SH3BGRL2: variants seen among roughly 807,000 people sequenced by gnomAD.
SH3BGRL2 encodes SH3 domain binding glutamate rich protein like 2, also known as SH3 domain-binding glutamic acid-rich-like protein 2.
In SH3BGRL2, 21 loss-of-function variants were observed where a neutral mutation model predicts 14.8. The ratio of observed to expected loss-of-function variants is 1.42; its 90% CI spans 1.01 to 2.05. The LOEUF (loss-of-function observed/expected upper bound fraction) is 2.05, where lower values mean the gene tolerates loss of function less well. SH3BGRL2 is among the 30% of genes most tolerant of loss of function. The pLI, the probability that SH3BGRL2 is intolerant of heterozygous loss-of-function variation, is 0.00. For synonymous variants in SH3BGRL2, 50 were observed against 47.8 expected (o/e 1.05, Z -0.19); for missense variants, 147 against 130.8 (o/e 1.12, Z -0.61).
chr6:79,595,445 T>A, the SH3BGRL2 span, among the ~76,000 whole-genome samples: 5 of 152,148 alleles, frequency 3.3e-5, no homozygotes, highest in Non-Finnish European at 7.4e-5. Flanking sequence ...AAAAGACAAA[T>A]AATCCAGTAG....
chr6:79,673,362 C>T (rs1298154840), intron 1 of SH3BGRL2, among the ~76,000 whole-genome samples: 1 of 151,872 alleles, frequency 6.6e-6, no homozygotes, highest in Non-Finnish European at 1.5e-5. Flanking sequence ...ATCACTTGAG[C>T]CCAGGAGTTT....
chr6:79,614,856 C>T, the SH3BGRL2 span, among the ~76,000 whole-genome samples: 1 of 152,076 alleles, frequency 6.6e-6, no homozygotes, highest in South Asian at 2.1e-4. Context: ...AGACAGCAGC[C>T]AGGTACACAG....
At chr6:79,651,994 C>T (rs1769306458) in intron 1 of SH3BGRL2, among the ~76,000 whole-genome samples, 1 of 152,126 alleles carries the variant, frequency 6.6e-6, no homozygotes, top group Non-Finnish European at 1.5e-5. Context: ...GTATCCTTCT[C>T]CCAAATTCCC....
the SH3BGRL2 span, among the ~76,000 whole-genome samples, chr6:79,553,800 C>T: frequency 1.3e-5 from 2 of 151,828 alleles, no homozygotes; most frequent in Admixed American, 6.6e-5. Flanking sequence ...GGTGAAACCC[C>T]GTCTCTACAA....
intron 2 of SH3BGRL2, among the ~76,000 whole-genome samples, chr6:79,687,680 A>G (rs1770128354): frequency 6.6e-6 from 1 of 152,236 alleles, no homozygotes; most frequent in African/African-American, 2.4e-5. Context: ...GCTTGAAAGA[A>G]AATTTGAGAA....
chr6:79,565,590 G>A, the SH3BGRL2 span, among the ~76,000 whole-genome samples: 4 of 152,062 alleles, frequency 2.6e-5, no homozygotes, highest in South Asian at 6.2e-4. Flanking sequence ...ATCATTTTAG[G>A]CAGAAAGGTA....
chr6:79,602,606 G>C, the SH3BGRL2 span, among the ~76,000 whole-genome samples: 1 of 152,170 alleles, frequency 6.6e-6, no homozygotes, highest in African/African-American at 2.4e-5. Flanking sequence ...TAATGTGAGA[G>C]TGGCTATAAG....
At chr6:79,676,719 C>G (rs1769893284) in intron 2 of SH3BGRL2, among the ~76,000 whole-genome samples, 1 of 151,476 alleles carries the variant, frequency 6.6e-6, no homozygotes, top group Non-Finnish European at 1.5e-5. Flanking sequence ...CGTCTTTGTT[C>G]TATCATGATA....
At chr6:79,542,144 T>G in the SH3BGRL2 span, among the ~76,000 whole-genome samples, 2 of 152,184 alleles carry the variant, frequency 1.3e-5, no homozygotes, top group Non-Finnish European at 2.9e-5. Context: ...CCCAGCAACT[T>G]CTGCTGGTGG....
At chr6:79,582,850 C>T in the SH3BGRL2 span, among the ~76,000 whole-genome samples, 2 of 152,142 alleles carry the variant, frequency 1.3e-5, no homozygotes, top group Admixed American at 1.3e-4. Flanking sequence ...GAACAGGCAA[C>T]CTACAGAATG....
At chr6:79,558,062 CTAATT>C in the SH3BGRL2 span, among the ~76,000 whole-genome samples, 2 of 152,148 alleles carry the variant, frequency 1.3e-5, no homozygotes, top group Non-Finnish European at 2.9e-5. Context: ...AAAGAGAAAA[CTAATT>C]TAAATACGTT....
chr6:79,659,606 G>C (rs566508517), intron 1 of SH3BGRL2, among the ~76,000 whole-genome samples: 8 of 152,180 alleles, frequency 5.3e-5, no homozygotes, highest in African/African-American at 1.7e-4. Flanking sequence ...GCTTAGGATT[G>C]TCTTGGCTAT....
At chr6:79,538,306 C>G in the SH3BGRL2 span, among the ~76,000 whole-genome samples, 1 of 151,992 alleles carries the variant, frequency 6.6e-6, no homozygotes, top group Admixed American at 6.6e-5. Flanking sequence ...AAGGCAAATG[C>G]GTTTAATGAA....
At chr6:79,556,948 G>T in the SH3BGRL2 span, among the ~76,000 whole-genome samples, 1 of 151,836 alleles carries the variant, frequency 6.6e-6, no homozygotes, top group Non-Finnish European at 1.5e-5. Context: ...TATATGTTCT[G>T]ATTTGTCTAT....
At chr6:79,547,499 C>T in the SH3BGRL2 span, among the ~76,000 whole-genome samples, 2 of 152,130 alleles carry the variant, frequency 1.3e-5, no homozygotes, top group African/African-American at 4.8e-5. Flanking sequence ...ACATGCTGAA[C>T]TGGAGTGAGG....
the SH3BGRL2 span, among the ~76,000 whole-genome samples, chr6:79,619,123 A>G: frequency 0.16 from 24,982 of 151,940 alleles, 2,329 homozygotes; most frequent in South Asian, 0.22. Context: ...ATTCAAAACT[A>G]TATAAAAAAC....
the SH3BGRL2 span, among the ~76,000 whole-genome samples, chr6:79,578,081 A>G: frequency 1.3e-5 from 2 of 151,764 alleles, no homozygotes; most frequent in Admixed American, 6.6e-5. Flanking sequence ...GGCATCTGCC[A>G]TTGCTGAGGC....
upstream of SH3BGRL2, chr6:79,631,248 C>A: frequency 2.4e-6 from 1 of 409,102 alleles, no homozygotes; most frequent in Non-Finnish European, 4.3e-6. Flanking sequence ...CAGCCGGCTC[C>A]CTCCTCCTCC....
the SH3BGRL2 span, among the ~76,000 whole-genome samples, chr6:79,537,651 C>A: frequency 6.6e-6 from 1 of 152,136 alleles, no homozygotes; most frequent in Non-Finnish European, 1.5e-5. Context: ...ACGGGCTGTG[C>A]GGTGCCAGGG....
Sources: gnomAD v4.1 joint callset for allele counts (sites outside exome capture counted in the v4.1 genomes callset) on GRCh38, gnomAD v4.1.1 for gene constraint, MANE v1.5 for transcripts, NCBI Gene and HGNC (gene_info 2026-07-23, HGNC 2026-07-21) for gene names.